AMPH: variants seen among roughly 807,000 people sequenced by gnomAD.
The protein encoded by AMPH is amphiphysin, also known as amphiphysin (Stiff-Mann syndrome with breast cancer 128kD autoantigen).
In AMPH, 49 loss-of-function variants were observed where a neutral mutation model predicts 99.1. The ratio of observed to expected loss-of-function variants is 0.49; its 90% CI spans 0.39 to 0.63. AMPH has a LOEUF of 0.63. Among genes scored for constraint, AMPH ranks in the 20% least tolerant of loss-of-function variants. The probability of loss-of-function intolerance (pLI) is 0.00; values close to 1 mark genes in which losing one functional copy is unlikely to be tolerated. For synonymous variants in AMPH, 314 were observed against 317.3 expected, an observed-to-expected ratio of 0.99 and a Z score of 0.11; for missense variants, 759 against 863.4, an observed-to-expected ratio of 0.88 and a Z score of 1.52.
At chr7:38,431,537 T>C (rs1786026826) in intron 13 of AMPH, among the ~76,000 whole-genome samples, 1 of 151,836 alleles carries the variant, frequency 6.6e-6, no homozygotes, top group South Asian at 2.1e-4. Context: ...GTGCCTGTAG[T>C]CCCAGCTACT....
intron 17 of AMPH, among the ~76,000 whole-genome samples, chr7:38,407,298 G>T (rs1199416389): frequency 2.4e-3 from 332 of 139,202 alleles, no homozygotes; most frequent in African/African-American, 8.2e-3. Flanking sequence ...TATATAGAGA[G>T]AGAGAGAGAC....
At chr7:38,520,782 G>A (rs1469970235) in intron 2 of AMPH, among the ~76,000 whole-genome samples, 1 of 152,180 alleles carries the variant, frequency 6.6e-6, no homozygotes, top group Non-Finnish European at 1.5e-5. Context: ...CAAATCATAT[G>A]GAAGTAGCTG....
chr7:38,541,017 TAAA>T (rs60200785), intron 1 of AMPH, among the ~76,000 whole-genome samples: 1,863 of 97,716 alleles, frequency 0.019, 23 homozygotes, highest in South Asian at 0.045. Flanking sequence ...TTTCTGTTCT[TAAA>T]AAAAAAAAAA....
intron 1 of AMPH, among the ~76,000 whole-genome samples, chr7:38,559,625 T>C (rs1286465614): frequency 6.6e-6 from 1 of 152,226 alleles, no homozygotes; most frequent in African/African-American, 2.4e-5. Context: ...CCAAAAACGG[T>C]GCTGCATGCT....
intron 1 of AMPH, among the ~76,000 whole-genome samples, chr7:38,582,965 G>T (rs1267176133): frequency 1.3e-5 from 2 of 152,130 alleles, no homozygotes; most frequent in African/African-American, 4.8e-5. Context: ...TTTTGTCTAA[G>T]GGGAAATTTA....
chr7:38,453,575 C>T (rs1050860230), intron 11 of AMPH, among the ~76,000 whole-genome samples: 4 of 152,236 alleles, frequency 2.6e-5, no homozygotes, highest in East Asian at 3.9e-4. Context: ...GATCCTTTTT[C>T]CCCCCACCAT....
chr7:38,556,154 AAATT>A lies in AMPH; in HGVS notation c.70-21147_70-21144del, dbSNP rs1421782599. On this transcript the variant is annotated intron_variant, in intron 1 of 20. Transcript: ENST00000356264. ...TAAAAATAAAAATCAAAAGAAGATA[AAATT>A]AATTGTTTTAATTTGAAAAGAAAAA... Among the ~76,000 whole-genome samples the A allele has an allele frequency of 1.5e-4, 23 of 152,274 alleles. No individual in the cohort carries two copies. The East Asian group carries it at 1.7e-3, about 11-fold the overall frequency.
intron 15 of AMPH, among the ~76,000 whole-genome samples, chr7:38,422,775 C>T (rs774912103): frequency 1.3e-5 from 2 of 152,128 alleles, no homozygotes; most frequent in Admixed American, 6.6e-5. Flanking sequence ...CACATCACCA[C>T]GCCTGGCTAA....
At chr7:38,456,270 C>T (rs568157718) in intron 11 of AMPH, among the ~76,000 whole-genome samples, 5 of 152,326 alleles carry the variant, frequency 3.3e-5, no homozygotes, top group Non-Finnish European at 7.4e-5. Context: ...ACTGCTCCCA[C>T]CATGAGAGGC....
chr7:38,507,694 T>G (rs562806461), intron 2 of AMPH, among the ~76,000 whole-genome samples: 51 of 152,270 alleles, frequency 3.3e-4, no homozygotes, highest in African/African-American at 1.1e-3. Flanking sequence ...CACATGTGTG[T>G]GCAGAAAACA....
rs190387528 is a variant in AMPH at position 38,568,013 on chromosome 7, T to C, written c.70-33002A>G. ...ATTTTGATCTAGATTTCATTGGCAA[T>C]ACCCCTAAAATCCTACAGATTTAAT... On this transcript the variant is annotated intron_variant, in intron 1 of 20. Transcript: ENST00000356264. 3.2e-4 allele frequency among the ~76,000 whole-genome samples: 49 copies of C among 152,334 alleles called. No homozygotes were observed. The East Asian group carries it at 8.3e-3, about 26-fold the overall frequency.
intron 2 of AMPH, 131 bp downstream of exon 2, chr7:38,534,800 G>C: frequency 1.4e-6 from 1 of 718,626 alleles, no homozygotes; most frequent in South Asian, 1.9e-5. Context: ...TCCAGAATTA[G>C]CAAGTGTTAC....
At chr7:38,401,997 T>G (rs1418661574) in intron 17 of AMPH, among the ~76,000 whole-genome samples, 1 of 152,156 alleles carries the variant, frequency 6.6e-6, no homozygotes, top group Non-Finnish European at 1.5e-5. Context: ...GTGCTTCTCT[T>G]TATGTGTTGG....
intron 17 of AMPH, among the ~76,000 whole-genome samples, chr7:38,414,445 C>T (rs1584058193): frequency 1.3e-5 from 2 of 152,162 alleles, no homozygotes; most frequent in South Asian, 4.1e-4. Context: ...AAAAAGAACA[C>T]TGGTATAATT....
At chr7:38,585,356 A>T (rs1411012002) in intron 1 of AMPH, among the ~76,000 whole-genome samples, 3 of 152,164 alleles carry the variant, frequency 2.0e-5, no homozygotes, top group Non-Finnish European at 4.4e-5. Context: ...GGCAGGACAT[A>T]CAGTAGGGAA....
At chr7:38,426,855 A>G in intron 15 of AMPH, 99 bp downstream of exon 15, 1 of 1,097,204 alleles carries the variant, frequency 9.1e-7, no homozygotes, top group South Asian at 1.4e-5. Flanking sequence ...GATATTCTTA[A>G]TCATTACGCT....
chr7:38,401,681 T>G (rs752518076), intron 17 of AMPH, among the ~76,000 whole-genome samples: 19 of 152,210 alleles, frequency 1.2e-4, no homozygotes, highest in Admixed American at 3.3e-4. Context: ...TGTTGTTCAT[T>G]TGTAGTGCTT....
At chr7:38,581,308 G>A (rs1249231625) in intron 1 of AMPH, among the ~76,000 whole-genome samples, 1 of 152,174 alleles carries the variant, frequency 6.6e-6, no homozygotes, top group Admixed American at 6.5e-5. Flanking sequence ...GGCCTCACTT[G>A]AGAAGCTGAT....
chr7:38,389,579 A>T (rs1784433134), intron 20 of AMPH, among the ~76,000 whole-genome samples: 1 of 152,208 alleles, frequency 6.6e-6, no homozygotes, highest in African/African-American at 2.4e-5. Flanking sequence ...ACGTGATAAG[A>T]AACAGTCAAC....
Sources: gnomAD v4.1 joint callset for allele counts (sites outside exome capture counted in the v4.1 genomes callset) on GRCh38, gnomAD v4.1.1 for gene constraint, MANE v1.5 for transcripts, NCBI Gene and HGNC (gene_info 2026-07-23, HGNC 2026-07-21) for gene names.